Variants in AGAP1 observed in about 807,000 individuals in gnomAD.
The protein encoded by AGAP1 is ArfGAP with GTPase domain, ankyrin repeat and PH domain 1, also known as arf-GAP with GTPase, ANK repeat and PH domain-containing protein 1.
Under a neutral mutation model 105.3 loss-of-function variants are expected in AGAP1, and 29 were observed. The ratio of observed to expected loss-of-function variants is 0.28; its 90% CI spans 0.21 to 0.38. The LOEUF is 0.38. Among genes scored for constraint, AGAP1 ranks in the 10% least tolerant of loss-of-function variants. The probability of loss-of-function intolerance (pLI) is 1.00; values close to 1 mark genes in which losing one functional copy is unlikely to be tolerated. For missense variants in AGAP1, 998 were observed against 1,165.1 expected (o/e 0.86, Z 2.09); for synonymous variants, 509 against 485.9 (o/e 1.05, Z -0.63).
In AGAP1 at chr2:236,042,173, G is replaced by C. The variant is rs2057568733; in HGVS notation, c.1891+1332G>C. 6.6e-6 allele frequency among the ~76,000 whole-genome samples: 1 copy of C among 152,174 alleles called. No individual in the cohort carries two copies. Among genetic ancestry groups the C allele is most frequent in the Non-Finnish European group, 1.5e-5 (1 of 68,030 alleles). On this transcript the variant is annotated intron_variant, in intron 15 of 17. Transcript: ENST00000304032. This position sits in a 1 kb window ranked among gnomAD's most constrained non-coding sequence, Gnocchi z 5.6. ...TGGCCAGACCATTTTGAACATACTG[G>C]AATAGAGGCAAAGCAGGGAGGAGGC...
At position 235,559,164 on chromosome 2, in the gene AGAP1, T is replaced by G. The variant is rs1414016272; in HGVS notation, c.163+64315T>G. Among the ~76,000 whole-genome samples the G allele has an allele frequency of 6.6e-6, 1 of 152,200 alleles. No homozygotes were observed. The highest frequency in any genetic ancestry group is 1.5e-5 in the Non-Finnish European group (1 of 68,036). On this transcript the variant is annotated intron_variant, in intron 1 of 17. Transcript: ENST00000304032. The surrounding 1 kb of genome is among the most constrained non-coding windows in gnomAD (Gnocchi z 5.7). ...CTGGTCTTGAACTCCTGGGCTTAAG[T>G]GATCCTCGCACCTCAGCTTCCCAAA... is the stretch of plus-strand genomic sequence containing the variant.
Position 235,665,577 on chromosome 2 carries a change from A to T in AGAP1, c.164-43602A>T, listed in dbSNP as rs1948100366. The stretch of plus-strand genomic sequence containing the variant: ...AACCATTCTACCATGACATTCTCAG[A>T]TGAGAATTTGAGTCTTATGCTAAAA... On this transcript the variant is annotated intron_variant, in intron 1 of 17. Transcript: ENST00000304032. This position sits in a 1 kb window ranked among gnomAD's most constrained non-coding sequence, Gnocchi z 5.3. Among the ~76,000 whole-genome samples, 1 of 152,232 alleles carries T rather than the reference A, an allele frequency of 6.6e-6. No individual in the cohort carries two copies. The highest frequency in any genetic ancestry group is 2.1e-4 in the South Asian group (1 of 4,822).
Position 235,754,876 on chromosome 2 carries a change from T to A in AGAP1, c.673+4388T>A, listed in dbSNP as rs1039278087. 1.1e-4 allele frequency among the ~76,000 whole-genome samples: 17 copies of A among 152,196 alleles called. No homozygotes were observed. The highest frequency in any genetic ancestry group is 3.4e-4 in the African/African-American group (14 of 41,454). On this transcript the variant is annotated intron_variant, in intron 6 of 17. Transcript: ENST00000304032. The surrounding 1 kb of genome is among the most constrained non-coding windows in gnomAD (Gnocchi z 4.6). Reference sequence around the variant, plus strand: ...AAACGGTCACCCAGAAACATGACCTTGTGTCTTGCTCAGGGGTGGAAAAGA... The same window carrying A: ...AAACGGTCACCCAGAAACATGACCTAGTGTCTTGCTCAGGGGTGGAAAAGA...
At chr2:236,094,588 G>A (rs1012529521) in intron 16 of AGAP1, among the ~76,000 whole-genome samples, 2 of 152,032 alleles carry the variant, frequency 1.3e-5, no homozygotes, top group African/African-American at 4.8e-5. Context: ...CTGGATTCAA[G>A]CGATCCTCCC....
In AGAP1 at chr2:235,639,723, C is replaced by T. The variant is rs1211194875; in HGVS notation, c.164-69456C>T. 3.3e-5 allele frequency among the ~76,000 whole-genome samples: 5 copies of T among 152,178 alleles called. No individual in the cohort carries two copies. The highest frequency in any genetic ancestry group is 1.9e-4 in the East Asian group (1 of 5,188). ...TGGCAGCGCTTGCCTCGCTGCATCT[C>T]GTGTTCTCAAAATCAGCACATGCCA... On this transcript the variant is annotated intron_variant, in intron 1 of 17. Coordinates refer to ENST00000304032, the MANE Select transcript of AGAP1 (RefSeq NM_001037131.3). This position sits in a 1 kb window ranked among gnomAD's most constrained non-coding sequence, Gnocchi z 5.3.
In AGAP1 at chr2:235,682,241, ACTC is replaced by A. The variant is rs1291896190; in HGVS notation, c.164-26932_164-26930del. Among the ~76,000 whole-genome samples, 7 of 150,962 alleles carry A rather than the reference ACTC, an allele frequency of 4.6e-5. No homozygotes were observed. The South Asian group carries it at 1.5e-3, about 32-fold the overall frequency. On this transcript the variant is annotated intron_variant, in intron 1 of 17. Transcript: ENST00000304032. ...TATAGAAATAATATGTACGTTGTGG[ACTC>A]CTCCTTTCAAGCTGGGCATATTTCA...
Position 235,615,179 on chromosome 2 carries a change from C to T in AGAP1, c.164-94000C>T, listed in dbSNP as rs1447589470. 1.3e-5 allele frequency among the ~76,000 whole-genome samples: 2 copies of T among 152,244 alleles called. No individual in the cohort carries two copies. The highest frequency in any genetic ancestry group is 6.5e-5 in the Admixed American group (1 of 15,290). On this transcript the variant is annotated intron_variant, in intron 1 of 17. Coordinates refer to ENST00000304032, the MANE Select transcript of AGAP1 (RefSeq NM_001037131.3). The surrounding 1 kb of genome is among the most constrained non-coding windows in gnomAD (Gnocchi z 5.0). ...GACAACCCACAGAGGTGGGTGTTGT[C>T]ACTTCCACTGCCAGCCAGCTTGCAC...
intron 13 of AGAP1, among the ~76,000 whole-genome samples, chr2:235,986,481 C>T (rs1423047223): frequency 6.6e-6 from 1 of 152,010 alleles, no homozygotes. Flanking sequence ...CTTGCCTGAT[C>T]GTCCTGACCA....
intron 16 of AGAP1, among the ~76,000 whole-genome samples, chr2:236,091,774 T>A (rs1001411200): frequency 6.6e-6 from 1 of 152,076 alleles, no homozygotes; most frequent in African/African-American, 2.4e-5. Context: ...TCTGCATAAA[T>A]AAGTAAATAA....
Position 236,056,564 on chromosome 2 carries a change from T to G in AGAP1, c.2114+7283T>G, listed in dbSNP as rs2058056797. 6.6e-6 allele frequency among the ~76,000 whole-genome samples: 1 copy of G among 152,214 alleles called. No homozygotes were observed. Among genetic ancestry groups the G allele is most frequent in the South Asian group, 2.1e-4 (1 of 4,826 alleles). On this transcript the variant is annotated intron_variant, in intron 16 of 17. Coordinates refer to ENST00000304032, the MANE Select transcript of AGAP1 (RefSeq NM_001037131.3). The surrounding 1 kb of genome is among the most constrained non-coding windows in gnomAD (Gnocchi z 4.6). ...TTAACCTTTTTAGGCTTGAATTATA[T>G]AACATGGGCCAATAAATATGGCCTC...
Position 235,665,645 on chromosome 2 carries a change from T to G in AGAP1, c.164-43534T>G, listed in dbSNP as rs1028705315. Among the ~76,000 whole-genome samples, 3 of 152,184 alleles carry G rather than the reference T, an allele frequency of 2.0e-5. No homozygotes were observed. The highest frequency in any genetic ancestry group is 6.5e-5 in the Admixed American group (1 of 15,278). On this transcript the variant is annotated intron_variant, in intron 1 of 17. Coordinates refer to ENST00000304032, the MANE Select transcript of AGAP1 (RefSeq NM_001037131.3). This position sits in a 1 kb window ranked among gnomAD's most constrained non-coding sequence, Gnocchi z 5.3. ...AGACGTTACTGTCTTGGTAATTGCT[T>G]CTTCTTACATGTATCTGTCAGTCAA...
At chr2:235,629,714 T>TA (rs71064865) in intron 1 of AGAP1, among the ~76,000 whole-genome samples, 16,546 of 140,726 alleles carry the variant, frequency 0.12, 1,230 homozygotes, top group East Asian at 0.31. Flanking sequence ...ACAATAAATG[T>TA]AAAAAAAAAA....
rs1310973455 is a variant in AGAP1 at position 235,802,634 on chromosome 2, GTGATGATGGTTGTGGTGA to G, written c.957+3129_957+3146del. On this transcript the variant is annotated intron_variant, in intron 8 of 17. Transcript: ENST00000304032. ...TTTGACACTGAACAAAATGATGGTG[GTGATGATGGTTGTGGTGA>G]TGATGATGGTTGTGGTTGTGGTGAT... Among the ~76,000 whole-genome samples the G allele has an allele frequency of 3.3e-5, 5 of 152,234 alleles. No individual in the cohort carries two copies. The South Asian group carries it at 8.3e-4, about 25-fold the overall frequency.
In AGAP1 at chr2:235,601,163, A is replaced by G. The variant is rs1030999007; in HGVS notation, c.163+106314A>G. ...AGAGTGGGTGGCTTAACAGAAGTGT[A>G]TTTGCTCAGTTTGTAGAAGTTGAAA... On this transcript the variant is annotated intron_variant, in intron 1 of 17. Transcript: ENST00000304032. The surrounding 1 kb of genome is among the most constrained non-coding windows in gnomAD (Gnocchi z 4.4). Among the ~76,000 whole-genome samples, 3 of 152,094 alleles carry G rather than the reference A, an allele frequency of 2.0e-5. No individual in the cohort carries two copies. The highest frequency in any genetic ancestry group is 2.0e-4 in the Admixed American group (3 of 15,282).
At chr2:235,952,645 A>G (rs1179818108) in intron 12 of AGAP1, among the ~76,000 whole-genome samples, 2 of 152,226 alleles carry the variant, frequency 1.3e-5, no homozygotes, top group Admixed American at 6.5e-5. Context: ...TTGTTCCACT[A>G]CTATTTCCCC....
chr2:235,999,317 G>T (rs1193106065), intron 13 of AGAP1, among the ~76,000 whole-genome samples: 1 of 150,060 alleles, frequency 6.7e-6, no homozygotes, highest in Non-Finnish European at 1.5e-5. Flanking sequence ...GATGGTGGTG[G>T]TGGTGGTGGT....
At chr2:235,649,114 A>G (rs970695348) in intron 1 of AGAP1, among the ~76,000 whole-genome samples, 2 of 152,158 alleles carry the variant, frequency 1.3e-5, no homozygotes, top group Non-Finnish European at 2.9e-5. Context: ...TTGCATTGGA[A>G]TTGAGTTGCA....
At chr2:235,853,842 A>G (rs1487127275) in intron 9 of AGAP1, among the ~76,000 whole-genome samples, 1 of 152,042 alleles carries the variant, frequency 6.6e-6, no homozygotes, top group Non-Finnish European at 1.5e-5. Context: ...TTTTAAGTGT[A>G]GGCTATACCT....
rs549517101 is a variant in AGAP1, at chr2:235,553,119, C to T, written c.163+58270C>T. ...AATATACAGTCAGCTACTCACCACT[C>T]GAAAGCCAGACTTGAGAGACAAGGG... On this transcript the variant is annotated intron_variant, in intron 1 of 17. Coordinates refer to ENST00000304032, the MANE Select transcript of AGAP1 (RefSeq NM_001037131.3). The surrounding 1 kb of genome is among the most constrained non-coding windows in gnomAD (Gnocchi z 4.5). Among the ~76,000 whole-genome samples, 107 of 152,288 alleles carry T rather than the reference C, an allele frequency of 7.0e-4. No homozygotes were observed. Among genetic ancestry groups the T allele is most frequent in the Middle Eastern group, 6.8e-3 (2 of 294 alleles).
Sources: gnomAD v4.1 joint callset for allele counts (sites outside exome capture counted in the v4.1 genomes callset) on GRCh38, gnomAD v4.1.1 for gene constraint, Gnocchi (gnomAD v3.1) non-coding constraint, MANE v1.5 for transcripts, NCBI Gene and HGNC (gene_info 2026-07-23, HGNC 2026-07-21) for gene names.